Variants in ANKRD44 observed in about 807,000 individuals in gnomAD.
ANKRD44 encodes ankyrin repeat domain 44, also known as serine/threonine-protein phosphatase 6 regulatory ankyrin repeat subunit B.
Under a neutral mutation model 116.0 loss-of-function variants are expected in ANKRD44, and 35 were observed. The ratio of observed to expected loss-of-function variants is 0.30; its 90% CI spans 0.23 to 0.40. The LOEUF is 0.40. ANKRD44 is among the 10% of genes least tolerant of loss of function. The pLI is 1.00. For missense variants in ANKRD44, 1,014 were observed against 1,242.6 expected, an observed-to-expected ratio of 0.82 and a Z score of 2.77; for synonymous variants, 435 against 461.8, an observed-to-expected ratio of 0.94 and a Z score of 0.74.
chr2:197,219,168 C>A (rs569489059), intron 1 of ANKRD44, among the ~76,000 whole-genome samples: 4 of 150,258 alleles, frequency 2.7e-5, no homozygotes, highest in Admixed American at 6.7e-5. Context: ...CTCCCAGGTT[C>A]AAGCGATTCT....
rs75621022 is a variant in ANKRD44 at position 197,189,301 on chromosome 2, C to T, written c.28-2195G>A. Among the ~76,000 whole-genome samples the T allele has an allele frequency of 7.7e-3, 1,175 of 152,246 alleles. 13 individuals carry two copies. Among genetic ancestry groups the T allele is most frequent in the African/African-American group, 0.027 (1,103 of 41,548 alleles). On this transcript the variant is annotated intron_variant, in intron 1 of 27. Transcript: ENST00000282272. ...TGAACATATATCTCTTTTTCTTTCT[C>T]GAAAACACCCTCTCAATTCTGCTTC...
At chr2:197,107,842 AT>A (rs1250099302) in intron 9 of ANKRD44, among the ~76,000 whole-genome samples, 1 of 152,190 alleles carries the variant, frequency 6.6e-6, no homozygotes, top group Non-Finnish European at 1.5e-5. Context: ...ACAGCCCAAG[AT>A]TCTTCCCAGA....
At chr2:197,159,166 T>C (rs1316550718) in intron 2 of ANKRD44, among the ~76,000 whole-genome samples, 1 of 152,192 alleles carries the variant, frequency 6.6e-6, no homozygotes, top group Non-Finnish European at 1.5e-5. Context: ...AGCAAAAGCT[T>C]ATATATAGAA....
intron 1 of ANKRD44, among the ~76,000 whole-genome samples, chr2:197,238,490 C>G (rs1268336630): frequency 6.6e-6 from 1 of 152,104 alleles, no homozygotes; most frequent in Non-Finnish European, 1.5e-5. Flanking sequence ...GCTATGATGA[C>G]AACCTTGACA....
At chr2:197,088,889 T>C in intron 11 of ANKRD44, 115 bp from the exon 12 acceptor site, 1 of 1,127,456 alleles carries the variant, frequency 8.9e-7, no homozygotes, top group Non-Finnish European at 1.3e-6. Flanking sequence ...AAAACCAGAA[T>C]GCAAGCAATT....
chr2:197,078,874 T>G, intron 15 of ANKRD44, 60 bp from the exon 16 acceptor site: 1 of 1,544,680 alleles, frequency 6.5e-7, no homozygotes, highest in Non-Finnish European at 8.8e-7. Context: ...AAAAGATAAT[T>G]TATGTAAATC....
chr2:197,308,538 T>G (rs2084143518), intron 1 of ANKRD44, among the ~76,000 whole-genome samples: 1 of 151,574 alleles, frequency 6.6e-6, no homozygotes, highest in Non-Finnish European at 1.5e-5. Context: ...TGTCCCAAGA[T>G]AGACTGGACA....
intron 17 of ANKRD44, among the ~76,000 whole-genome samples, chr2:197,021,481 A>G (rs1327880465): frequency 2.0e-5 from 3 of 152,154 alleles, no homozygotes; most frequent in Non-Finnish European, 2.9e-5. Context: ...TGACTTTTTA[A>G]TGATCGCCAT....
intron 1 of ANKRD44, among the ~76,000 whole-genome samples, chr2:197,260,485 T>C (rs977323442): frequency 2.6e-5 from 4 of 152,188 alleles, no homozygotes; most frequent in Admixed American, 2.6e-4. Flanking sequence ...TCTATCGTTG[T>C]TGGACATTTA....
intron 17 of ANKRD44, among the ~76,000 whole-genome samples, chr2:197,013,968 T>C (rs2076343184): frequency 1.3e-5 from 2 of 152,262 alleles, no homozygotes; most frequent in South Asian, 4.1e-4. Flanking sequence ...CCAAAGACAC[T>C]GAATGTATTA....
At chr2:197,088,371 C>T (rs1040371552) in intron 12 of ANKRD44, among the ~76,000 whole-genome samples, 8 of 151,836 alleles carry the variant, frequency 5.3e-5, no homozygotes, top group Non-Finnish European at 1.5e-5. Flanking sequence ...ATAACAGCAA[C>T]AAAAGAGGAA....
chr2:196,967,980 C>T (rs573796720), intron 21 of ANKRD44, among the ~76,000 whole-genome samples: 1 of 150,710 alleles, frequency 6.6e-6, no homozygotes, highest in South Asian at 2.1e-4. Flanking sequence ...GCCTGCTCTC[C>T]TTTTGCCTTC....
intron 1 of ANKRD44, among the ~76,000 whole-genome samples, chr2:197,273,989 A>ATC (rs1559208433): frequency 0.031 from 692 of 22,570 alleles, 84 homozygotes; most frequent in African/African-American, 0.092. Flanking sequence ...AAATATATAT[A>ATC]TATATATATA....
At position 196,987,334 on chromosome 2, in the gene ANKRD44, C is replaced by G. The variant is rs1379972328; in HGVS notation, c.*2257G>C. ...ATTCAAAGAAAAGTTGAAATGAAAA[C>G]TCACTGGTATCATATTGCTCTGATA... On this transcript the variant is annotated 3_prime_UTR_variant, in exon 28 of 28. Transcript: ENST00000282272. The G allele has an allele frequency of 5.0e-5, 49 of 985,056 alleles. No homozygotes were observed. The highest frequency in any genetic ancestry group is 5.7e-5 in the Non-Finnish European group (47 of 829,736). 61.0% of individuals were successfully genotyped at this position (985,056 alleles called of 1,614,324 possible).
intron 1 of ANKRD44, among the ~76,000 whole-genome samples, chr2:197,289,146 G>A (rs1391460908): frequency 2.0e-5 from 3 of 152,136 alleles, no homozygotes. Flanking sequence ...TCCTATGTAT[G>A]TCTCACTCAT....
intron 13 of ANKRD44, 125 bp from the exon 14 acceptor site, chr2:197,083,634 C>T (rs1188235159): frequency 3.1e-6 from 3 of 969,172 alleles, no homozygotes; most frequent in Non-Finnish European, 4.4e-6. Context: ...TGTGTGGAGG[C>T]CAAAGTCATG....
intron 18 of ANKRD44, among the ~76,000 whole-genome samples, chr2:197,012,029 G>A (rs1169736080): frequency 6.6e-6 from 1 of 152,136 alleles, no homozygotes; most frequent in Admixed American, 6.5e-5. Context: ...ACTCGTCCTG[G>A]CTCTTGCTCC....
chr2:197,242,320 A>C (rs962169148), intron 1 of ANKRD44, among the ~76,000 whole-genome samples: 3 of 152,328 alleles, frequency 2.0e-5, no homozygotes. Flanking sequence ...ACTTCATTTC[A>C]GTTTGATAAT....
intron 17 of ANKRD44, among the ~76,000 whole-genome samples, chr2:197,018,989 A>C (rs540050801): frequency 6.6e-6 from 1 of 152,298 alleles, no homozygotes; most frequent in Admixed American, 6.5e-5. Context: ...GTCACTACTA[A>C]ATCTCACGCT....
Sources: allele counts gnomAD v4.1 joint callset (sites outside exome capture counted in the v4.1 genomes callset), GRCh38; gene constraint gnomAD v4.1.1; transcripts MANE v1.5; gene names NCBI Gene and HGNC (gene_info 2026-07-23, HGNC 2026-07-21).